LRP1B: variants seen among roughly 807,000 people sequenced by gnomAD.
LRP1B encodes LDL receptor related protein 1B.
A neutral mutation model predicts 556.6 loss-of-function variants in LRP1B; 217 were observed. The observed-to-expected ratio is 0.39, with a 90% CI of 0.35 to 0.44. The LOEUF (loss-of-function observed/expected upper bound fraction) is 0.44, where lower values mean the gene tolerates loss of function less well. Among genes scored for constraint, LRP1B ranks in the 20% least tolerant of loss-of-function variants. The pLI, the probability that LRP1B is intolerant of heterozygous loss-of-function variation, is 1.00. For synonymous variants in LRP1B, 2,047 were observed against 1,865.8 expected, an observed-to-expected ratio of 1.10 and a Z score of -2.50; for missense variants, 5,053 against 5,620.8, an observed-to-expected ratio of 0.90 and a Z score of 3.23.
At chr2:141,952,301 G>A (rs546147522) in intron 1 of LRP1B, among the ~76,000 whole-genome samples, 8 of 151,912 alleles carry the variant, frequency 5.3e-5, no homozygotes, top group Non-Finnish European at 8.8e-5. Context: ...GAATAGTGCC[G>A]CAATAAACAT....
chr2:141,346,065 T>C (rs1688245931), intron 3 of LRP1B, among the ~76,000 whole-genome samples: 2 of 152,148 alleles, frequency 1.3e-5, no homozygotes, highest in South Asian at 2.1e-4. Context: ...GATAGTAATA[T>C]ATAGTCTCTC....
chr2:141,589,057 T>C (rs536779474), intron 2 of LRP1B, among the ~76,000 whole-genome samples: 1 of 152,326 alleles, frequency 6.6e-6, no homozygotes, highest in African/African-American at 2.4e-5. Context: ...TTAAATGAGC[T>C]TGGACATCCT....
At chr2:141,821,576 A>C (rs1479581396) in intron 1 of LRP1B, among the ~76,000 whole-genome samples, 1 of 152,216 alleles carries the variant, frequency 6.6e-6, no homozygotes, top group Non-Finnish European at 1.5e-5. Flanking sequence ...GTATCTGAGA[A>C]ATGTATGAAT....
At position 140,704,823 on chromosome 2, in the gene LRP1B, A is replaced by T. The variant is rs142469514; in HGVS notation, c.6024-2270T>A. On this transcript the variant is annotated intron_variant, in intron 37 of 90. Coordinates refer to ENST00000389484, the MANE Select transcript of LRP1B (RefSeq NM_018557.3). Reference sequence around the variant, plus strand: ...AAGAAAAGAAATGTGCATATTAAAGATTTTAATTAATGTTAATCTACTTGC... The same window carrying T: ...AAGAAAAGAAATGTGCATATTAAAGTTTTTAATTAATGTTAATCTACTTGC... Among the ~76,000 whole-genome samples, 226 of 152,276 alleles carry T rather than the reference A, an allele frequency of 1.5e-3. 2 individuals carry two copies. Among genetic ancestry groups the T allele is most frequent in the African/African-American group, 5.1e-3 (213 of 41,572 alleles).
chr2:141,578,311 C>A (rs1342507672), intron 2 of LRP1B, among the ~76,000 whole-genome samples: 2 of 151,300 alleles, frequency 1.3e-5, no homozygotes, highest in East Asian at 3.9e-4. Flanking sequence ...GCAGGAAAAT[C>A]ACTTGAACCC....
chr2:140,979,517 T>C (rs1319990504), intron 18 of LRP1B, among the ~76,000 whole-genome samples: 1 of 152,136 alleles, frequency 6.6e-6, no homozygotes, highest in Admixed American at 6.6e-5. Context: ...TTACTGCATA[T>C]CATCCTAATT....
chr2:141,574,266 C>G (rs527902112), intron 2 of LRP1B, among the ~76,000 whole-genome samples: 4 of 152,264 alleles, frequency 2.6e-5, no homozygotes, highest in Middle Eastern at 3.4e-3. Context: ...CAGCTTCATC[C>G]CTGGGATGCA....
intron 7 of LRP1B, among the ~76,000 whole-genome samples, chr2:141,179,644 C>T (rs868486778): frequency 1.3e-5 from 2 of 151,794 alleles, no homozygotes; most frequent in Admixed American, 1.3e-4. Flanking sequence ...CAACATTTGC[C>T]TTTTCCTTTT....
rs116451904 is a variant in LRP1B, at chr2:141,112,716, C to T, written c.1014-50443G>A. On this transcript the variant is annotated intron_variant, in intron 7 of 90. Transcript: ENST00000389484. ...CCTGCAAGAACCTAACCTTGTACAT[C>T]CCCTAGGAGTAATGATTTAGTATTC... Among the ~76,000 whole-genome samples the T allele has an allele frequency of 9.8e-3, 1,498 of 152,246 alleles. 20 individuals carry two copies. Among genetic ancestry groups the T allele is most frequent in the African/African-American group, 0.032 (1,343 of 41,544 alleles).
intron 20 of LRP1B, among the ~76,000 whole-genome samples, chr2:140,946,321 C>G (rs1204384242): frequency 2.0e-5 from 3 of 152,074 alleles, no homozygotes. Flanking sequence ...AAAACAGGTT[C>G]AGGGGCAGTG....
intron 2 of LRP1B, among the ~76,000 whole-genome samples, chr2:141,765,860 C>T (rs1457017716): frequency 6.6e-6 from 1 of 152,178 alleles, no homozygotes; most frequent in African/African-American, 2.4e-5. Context: ...TTATTGAACT[C>T]TACCTCTGAC....
chr2:141,347,182 ATCT>A (rs1471129635), intron 3 of LRP1B, among the ~76,000 whole-genome samples: 19 of 152,114 alleles, frequency 1.2e-4, no homozygotes, highest in Non-Finnish European at 2.5e-4. Context: ...TTTTCTAAAC[ATCT>A]TATTATATCA....
At chr2:140,965,673 T>A (rs1489321925) in intron 18 of LRP1B, among the ~76,000 whole-genome samples, 1 of 152,166 alleles carries the variant, frequency 6.6e-6, no homozygotes, top group Admixed American at 6.5e-5. Context: ...GTCATTTACA[T>A]TAGGTATATC....
chr2:141,976,795 G>T lies in LRP1B; in HGVS notation c.82+153853C>A, dbSNP rs377623405. 2.0e-4 allele frequency among the ~76,000 whole-genome samples: 31 copies of T among 152,158 alleles called. No homozygotes were observed. In the East Asian group the frequency reaches 3.9e-3, roughly 19 times the overall value. On this transcript the variant is annotated intron_variant, in intron 1 of 90. Transcript: ENST00000389484. Reference sequence around the variant, plus strand: ...GAATAGTGTTAATATTGAAAAGGAGGATGTGTAGGAGAAGCTCAAGGACCT... The same window carrying T: ...GAATAGTGTTAATATTGAAAAGGAGTATGTGTAGGAGAAGCTCAAGGACCT...
rs35485226 is a variant in LRP1B, at chr2:141,752,651, GGTGTGTGT to G, written c.205+57620_205+57627del. Among the ~76,000 whole-genome samples, 96 of 149,812 alleles carry G rather than the reference GGTGTGTGT, an allele frequency of 6.4e-4. 1 individual carries two copies. Among genetic ancestry groups the G allele is most frequent in the African/African-American group, 2.2e-3 (91 of 40,972 alleles). ...AACCAAATAAATCAAAATCTTGGGT[GGTGTGTGT>G]GTGTGTGTGTGTTTATAGTTGTGGT... is the stretch of plus-strand genomic sequence containing the variant. On this transcript the variant is annotated intron_variant, in intron 2 of 90. Transcript: ENST00000389484.
intron 84 of LRP1B, among the ~76,000 whole-genome samples, chr2:140,290,806 G>T (rs1683340279): frequency 1.3e-5 from 2 of 152,022 alleles, no homozygotes; most frequent in South Asian, 4.1e-4. Context: ...GTGTTCTAGT[G>T]AGTCTCTAAA....
At chr2:141,288,473 C>T (rs1256694885) in intron 3 of LRP1B, among the ~76,000 whole-genome samples, 1 of 151,784 alleles carries the variant, frequency 6.6e-6, no homozygotes. Context: ...AAAAAATAAC[C>T]TAAGTAACTT....
Position 140,439,694 on chromosome 2 carries a change from A to G in LRP1B, c.10414+2810T>C, listed in dbSNP as rs1573940748. On this transcript the variant is annotated intron_variant, in intron 66 of 90. Coordinates refer to ENST00000389484, the MANE Select transcript of LRP1B (RefSeq NM_018557.3). ...TCCAAAGTCTCACCAAGACTAAATTATTAAGCCTGGTCTCCTAAACTATAT... is the reference window on the plus strand; with the variant it reads ...TCCAAAGTCTCACCAAGACTAAATTGTTAAGCCTGGTCTCCTAAACTATAT... 1.3e-5 allele frequency among the ~76,000 whole-genome samples: 2 copies of G among 152,202 alleles called. 1 individual carries two copies. The highest frequency in any genetic ancestry group is 3.9e-4 in the East Asian group (2 of 5,176).
At chr2:141,439,293 G>A (rs1012565635) in intron 3 of LRP1B, among the ~76,000 whole-genome samples, 1 of 151,872 alleles carries the variant, frequency 6.6e-6, no homozygotes. Flanking sequence ...TTTTTTAATG[G>A]TTTTCTTGCA....
Sources: allele counts gnomAD v4.1 joint callset (sites outside exome capture counted in the v4.1 genomes callset), GRCh38; gene constraint gnomAD v4.1.1; transcripts MANE v1.5; gene names NCBI Gene and HGNC (gene_info 2026-07-23, HGNC 2026-07-21).